Variants in SNTG2 observed in about 807,000 individuals in gnomAD.
The protein encoded by SNTG2 is syntrophin gamma 2.
In SNTG2, 74 loss-of-function variants were observed where a neutral mutation model predicts 70.9. That is an observed-to-expected ratio of 1.04 (90% CI 0.86 to 1.27). The LOEUF is 1.27. Among genes scored for constraint, SNTG2 ranks in the 50% most tolerant of loss-of-function variants. The pLI, the probability that SNTG2 is intolerant of heterozygous loss-of-function variation, is 0.00. For missense variants in SNTG2, 717 were observed against 690.7 expected (o/e 1.04, Z -0.43); for synonymous variants, 278 against 273.8 (o/e 1.02, Z -0.15).
chr2:1,129,608 C>T (rs1428501672), intron 4 of SNTG2, among the ~76,000 whole-genome samples: 1 of 152,164 alleles, frequency 6.6e-6, no homozygotes, highest in African/African-American at 2.4e-5. Flanking sequence ...ATTTGTCATT[C>T]TAAGTAGTCC....
chr2:1,155,012 CAT>C (rs138500017), intron 6 of SNTG2, among the ~76,000 whole-genome samples: 96,408 of 149,996 alleles, frequency 0.64, 33,888 homozygotes, highest in Non-Finnish European at 0.81. Flanking sequence ...ACAAACAACA[CAT>C]AGTCATACAC....
intron 6 of SNTG2, among the ~76,000 whole-genome samples, chr2:1,162,644 A>C (rs1047543967): frequency 3.3e-5 from 5 of 152,246 alleles, no homozygotes; most frequent in Middle Eastern, 3.4e-3. Context: ...GTGAGAGTCC[A>C]GCCCTTCCAT....
chr2:1,112,272 A>G (rs1046983946), intron 4 of SNTG2, among the ~76,000 whole-genome samples: 1 of 151,558 alleles, frequency 6.6e-6, no homozygotes, highest in African/African-American at 2.4e-5. Flanking sequence ...CGTGAGTACT[A>G]AGTGAGGTTT....
chr2:1,230,912 C>T (rs1207851449), intron 9 of SNTG2, among the ~76,000 whole-genome samples: 1 of 152,016 alleles, frequency 6.6e-6, no homozygotes, highest in Non-Finnish European at 1.5e-5. Flanking sequence ...CGTAGGGTCA[C>T]TGCGAGGGTG....
intron 9 of SNTG2, among the ~76,000 whole-genome samples, chr2:1,228,033 C>T (rs28703286): frequency 4.6e-5 from 7 of 151,954 alleles, no homozygotes; most frequent in South Asian, 2.1e-4. Flanking sequence ...GGCCTTTCTG[C>T]GACTCAAGGC....
chr2:959,784 T>G (rs1660291467), intron 1 of SNTG2, among the ~76,000 whole-genome samples: 1 of 151,402 alleles, frequency 6.6e-6, no homozygotes, highest in South Asian at 2.1e-4. Context: ...CCTATCCCCT[T>G]CTTTGGAGTA....
intron 8 of SNTG2, among the ~76,000 whole-genome samples, chr2:1,196,730 A>G (rs1411601858): frequency 6.6e-6 from 1 of 152,176 alleles, no homozygotes; most frequent in Admixed American, 6.5e-5. Flanking sequence ...GATACATTCA[A>G]AGTACTAAAA....
At chr2:1,021,774 G>C (rs1660190823) in intron 1 of SNTG2, among the ~76,000 whole-genome samples, 1 of 151,280 alleles carries the variant, frequency 6.6e-6, no homozygotes, top group Admixed American at 6.6e-5. Context: ...ACCATGCCCG[G>C]ATTTATTATT....
chr2:973,471 G>A (rs1660810177), intron 1 of SNTG2, among the ~76,000 whole-genome samples: 1 of 151,564 alleles, frequency 6.6e-6, no homozygotes, highest in Admixed American at 6.6e-5. Flanking sequence ...TGAGGGACGG[G>A]CGTATTAACC....
intron 4 of SNTG2, among the ~76,000 whole-genome samples, chr2:1,100,954 G>A (rs1269343840): frequency 2.4e-5 from 3 of 125,540 alleles, no homozygotes; most frequent in East Asian, 2.1e-4. Context: ...GTTGTAGCCC[G>A]TGTGCCCTCC....
rs571134035 is a variant in SNTG2, at chr2:1,104,253, C to T, written c.325+5843C>T. Among the ~76,000 whole-genome samples, 155 of 152,308 alleles carry T rather than the reference C, an allele frequency of 1.0e-3. 2 individuals carry two copies. In the South Asian group the frequency reaches 0.02, roughly 19 times the overall value. On this transcript the variant is annotated intron_variant, in intron 4 of 16. Coordinates refer to ENST00000308624, the MANE Select transcript of SNTG2 (RefSeq NM_018968.4). ...ACGACGTTTTTTCATTTATTCTTTA[C>T]TTTTACACATTTCTTCGGTTATTGC...
intron 1 of SNTG2, among the ~76,000 whole-genome samples, chr2:1,013,943 T>G (rs200603231): frequency 8.2e-3 from 15 of 1,832 alleles, no homozygotes; most frequent in Admixed American, 0.01. Context: ...GGGTGGTCTG[T>G]AGAGGGATTT....
intron 4 of SNTG2, among the ~76,000 whole-genome samples, chr2:1,131,538 C>T (rs1036753756): frequency 3.3e-5 from 5 of 152,184 alleles, no homozygotes; most frequent in African/African-American, 9.7e-5. Flanking sequence ...ACACACTATT[C>T]ATTTCCCTCA....
intron 1 of SNTG2, among the ~76,000 whole-genome samples, chr2:1,008,383 A>G (rs1039955578): frequency 3.9e-5 from 6 of 152,198 alleles, no homozygotes; most frequent in Admixed American, 1.3e-4. Context: ...TTAGTGCTTC[A>G]CAAAATTATA....
In SNTG2 at chr2:1,055,754, G is replaced by GT. The variant is rs551528821; in HGVS notation, c.73-27763dup. ...TAGGGTTATCATGAAGGATTTAACA[G>GT]TGTGAACATTTCCATTTTCTAAGGT... On this transcript the variant is annotated intron_variant, in intron 1 of 16. Coordinates refer to ENST00000308624, the MANE Select transcript of SNTG2 (RefSeq NM_018968.4). 5.2e-4 allele frequency among the ~76,000 whole-genome samples: 79 copies of GT among 152,352 alleles called. 1 individual carries two copies. Among genetic ancestry groups the GT allele is most frequent in the African/African-American group, 1.9e-3 (78 of 41,588 alleles).
intron 1 of SNTG2, among the ~76,000 whole-genome samples, chr2:987,640 C>T (rs1052922756): frequency 2.0e-5 from 3 of 151,812 alleles, no homozygotes; most frequent in Non-Finnish European, 4.4e-5. Flanking sequence ...TCAGGACTTC[C>T]GAGTTCCAGA....
intron 4 of SNTG2, among the ~76,000 whole-genome samples, chr2:1,117,056 G>A (rs986154452): frequency 7.9e-6 from 1 of 126,988 alleles, no homozygotes; most frequent in Admixed American, 8.2e-5. Context: ...TGGGTGCTCT[G>A]GTGTGTGGGT....
intron 6 of SNTG2, among the ~76,000 whole-genome samples, chr2:1,144,351 C>T (rs1273507514): frequency 6.6e-6 from 1 of 152,186 alleles, no homozygotes; most frequent in African/African-American, 2.4e-5. Context: ...ACAGCATCAT[C>T]AATCCACTGC....
chr2:1,363,376 A>G lies in SNTG2; in HGVS notation c.1489-3967A>G, dbSNP rs372230519. On this transcript the variant is annotated intron_variant, in intron 16 of 16. Transcript: ENST00000308624. ...AATCCCAGCCTCTTTGGATATCCCT[A>G]TAATCTCTTATAGCACATATGTCCC... Among the ~76,000 whole-genome samples the G allele has an allele frequency of 2.0e-4, 31 of 152,232 alleles. No homozygotes were observed. The East Asian group carries it at 2.3e-3, about 11-fold the overall frequency.
Sources: gnomAD v4.1 joint callset for allele counts (sites outside exome capture counted in the v4.1 genomes callset) on GRCh38, gnomAD v4.1.1 for gene constraint, MANE v1.5 for transcripts, NCBI Gene and HGNC (gene_info 2026-07-23, HGNC 2026-07-21) for gene names.